Variants in PRELID2 observed in about 807,000 individuals in gnomAD.
The protein encoded by PRELID2 is PRELI domain containing 2, also known as PRELI domain-containing protein 2.
PRELID2 carries 25 observed loss-of-function variants against 28.4 expected under a neutral mutation model. That is an observed-to-expected ratio of 0.88 (90% CI 0.64 to 1.23). The LOEUF (loss-of-function observed/expected upper bound fraction) is 1.23. Ranked by LOEUF, PRELID2 falls within the 50% of genes most tolerant of loss-of-function variation. The pLI is 0.00. For missense variants in PRELID2, 201 were observed against 214.4 expected (o/e 0.94, Z 0.39); for synonymous variants, 76 against 71.6 (o/e 1.06, Z -0.31).
chr5:145,238,444 A>G, the PRELID2 span, among the ~76,000 whole-genome samples: 1 of 152,112 alleles, frequency 6.6e-6, no homozygotes, highest in Admixed American at 6.6e-5. Context: ...TCCCCCACAG[A>G]ATATGTCAAC....
intron 1 of PRELID2, among the ~76,000 whole-genome samples, chr5:145,711,395 C>A (rs944620299): frequency 6.6e-6 from 1 of 152,162 alleles, no homozygotes; most frequent in Non-Finnish European, 1.5e-5. Context: ...TGGCTGCTTT[C>A]ATCCTTGGTG....
rs1479909787 is a variant in PRELID2, at chr5:145,801,555, A to C, written c.369-5008T>G. On this transcript the variant is annotated intron_variant, in intron 4 of 6. Coordinates refer to ENST00000683046, the MANE Select transcript of PRELID2 (RefSeq NM_205846.3). ...TCGAAACCCAGTATCGTAACAATGTACATTCTATATCAGACATTGTATTAC... is the reference window on the plus strand; with the variant it reads ...TCGAAACCCAGTATCGTAACAATGTCCATTCTATATCAGACATTGTATTAC... Among the ~76,000 whole-genome samples, 4 of 152,338 alleles carry C rather than the reference A, an allele frequency of 2.6e-5. No homozygotes were observed. The East Asian group carries it at 5.8e-4, about 22-fold the overall frequency.
chr5:145,594,550 T>A (rs954845880), intron 1 of PRELID2, among the ~76,000 whole-genome samples: 1 of 152,166 alleles, frequency 6.6e-6, no homozygotes, highest in African/African-American at 2.4e-5. Context: ...GATGTATGCA[T>A]GAAGATCCTC....
At chr5:145,654,817 C>T (rs1453885832) in intron 1 of PRELID2, among the ~76,000 whole-genome samples, 10 of 152,110 alleles carry the variant, frequency 6.6e-5, no homozygotes, top group South Asian at 4.1e-4. Context: ...AAACTGGAAG[C>T]ATTCCCTTTG....
intron 1 of PRELID2, among the ~76,000 whole-genome samples, chr5:145,523,114 T>C (rs1416136862): frequency 2.0e-5 from 3 of 152,176 alleles, no homozygotes; most frequent in Admixed American, 6.5e-5. Flanking sequence ...CAAAGTGTTA[T>C]AGACTGATTT....
chr5:145,631,393 T>C (rs1213908658), intron 1 of PRELID2, among the ~76,000 whole-genome samples: 3 of 152,196 alleles, frequency 2.0e-5, no homozygotes, highest in Non-Finnish European at 4.4e-5. Context: ...CTCCCAGTTA[T>C]AAGCCATGTG....
the PRELID2 span, among the ~76,000 whole-genome samples, chr5:145,417,315 A>G: frequency 6.6e-6 from 1 of 152,194 alleles, no homozygotes; most frequent in African/African-American, 2.4e-5. Context: ...ATTCTACCAA[A>G]GGTACAAAGA....
chr5:145,554,884 A>G (rs1752866768), intron 1 of PRELID2, among the ~76,000 whole-genome samples: 1 of 152,236 alleles, frequency 6.6e-6, no homozygotes, highest in African/African-American at 2.4e-5. Flanking sequence ...GGTCATCATC[A>G]GGAAATAGTG....
chr5:145,260,315 A>G, the PRELID2 span, among the ~76,000 whole-genome samples: 197 of 152,308 alleles, frequency 1.3e-3, 1 homozygote, highest in Non-Finnish European at 2.4e-3. Flanking sequence ...AAGGCATCCA[A>G]ACACATGAAG....
At chr5:145,564,522 C>G (rs563241488) in intron 1 of PRELID2, among the ~76,000 whole-genome samples, 1 of 152,308 alleles carries the variant, frequency 6.6e-6, no homozygotes, top group South Asian at 2.1e-4. Flanking sequence ...TTCAGTGTCA[C>G]CCCCATCATG....
intron 1 of PRELID2, among the ~76,000 whole-genome samples, chr5:145,516,678 A>G (rs1752519877): frequency 6.6e-6 from 1 of 152,236 alleles, no homozygotes; most frequent in African/African-American, 2.4e-5. Flanking sequence ...CCATATAGTG[A>G]AGACAATCTT....
chr5:145,562,540 A>G (rs1752933009), intron 1 of PRELID2, among the ~76,000 whole-genome samples: 2 of 152,326 alleles, frequency 1.3e-5, no homozygotes, highest in East Asian at 3.9e-4. Context: ...CTGGCTCTGC[A>G]AGCATGTGGA....
chr5:145,578,294 C>T (rs1341617562), intron 1 of PRELID2, among the ~76,000 whole-genome samples: 1 of 152,126 alleles, frequency 6.6e-6, no homozygotes, highest in Non-Finnish European at 1.5e-5. Flanking sequence ...AACACATGTG[C>T]TCCCCAACAT....
At chr5:145,235,040 T>A in the PRELID2 span, among the ~76,000 whole-genome samples, 4 of 152,024 alleles carry the variant, frequency 2.6e-5, no homozygotes, top group African/African-American at 9.7e-5. Flanking sequence ...CAAAGGGAAA[T>A]GTAACAGGAC....
At chr5:145,270,786 A>G in the PRELID2 span, among the ~76,000 whole-genome samples, 2,286 of 152,246 alleles carry the variant, frequency 0.015, 23 homozygotes, top group Middle Eastern at 0.041. Context: ...ACATGTCACT[A>G]CATGTAAATA....
chr5:145,430,625 T>C, the PRELID2 span, among the ~76,000 whole-genome samples: 1 of 152,192 alleles, frequency 6.6e-6, no homozygotes, highest in Non-Finnish European at 1.5e-5. Context: ...TATGCCATTG[T>C]TTCTCATGGT....
At chr5:145,452,772 G>C in the PRELID2 span, among the ~76,000 whole-genome samples, 4 of 151,994 alleles carry the variant, frequency 2.6e-5, no homozygotes, top group Non-Finnish European at 5.9e-5. Flanking sequence ...AAGGAAAGGG[G>C]GAGTCAGAAA....
intron 1 of PRELID2, among the ~76,000 whole-genome samples, chr5:145,491,155 T>C (rs1224550694): frequency 6.6e-6 from 1 of 152,198 alleles, no homozygotes; most frequent in African/African-American, 2.4e-5. Context: ...TTATTTTTAA[T>C]ATATTTCTTA....
At chr5:145,289,915 T>C in the PRELID2 span, among the ~76,000 whole-genome samples, 1 of 152,216 alleles carries the variant, frequency 6.6e-6, no homozygotes, top group East Asian at 1.9e-4. Flanking sequence ...GTGAGGTATT[T>C]TGCCAGACTT....
Sources: allele counts gnomAD v4.1 joint callset (sites outside exome capture counted in the v4.1 genomes callset), GRCh38; gene constraint gnomAD v4.1.1; transcripts MANE v1.5; gene names NCBI Gene and HGNC (gene_info 2026-07-23, HGNC 2026-07-21).